The following GRIK3 variants were observed in gnomAD, a reference collection of about 807,000 sequenced individuals.
The protein encoded by GRIK3 is glutamate ionotropic receptor kainate type subunit 3.
A neutral mutation model predicts 102.5 loss-of-function variants in GRIK3; 29 were observed. That is an observed-to-expected ratio of 0.28 (90% CI 0.21 to 0.39). The LOEUF (loss-of-function observed/expected upper bound fraction) is 0.39. GRIK3 is among the 10% of genes least tolerant of loss of function. The pLI, the probability that GRIK3 is intolerant of heterozygous loss-of-function variation, is 1.00. For synonymous variants in GRIK3, 511 were observed against 504.9 expected (o/e 1.01, Z -0.16); for missense variants, 908 against 1,252.4 (o/e 0.73, Z 4.15).
intron 13 of GRIK3, among the ~76,000 whole-genome samples, chr1:36,815,519 G>C (rs922672668): frequency 9.2e-5 from 14 of 152,346 alleles, no homozygotes; most frequent in African/African-American, 3.4e-4. Context: ...TTCCATTCCA[G>C]GTTGATTGAG....
chr1:36,925,025 T>A (rs1641512823), intron 1 of GRIK3, among the ~76,000 whole-genome samples: 1 of 152,200 alleles, frequency 6.6e-6, no homozygotes, highest in Non-Finnish European at 1.5e-5. Flanking sequence ...AATCTAATGC[T>A]CCTGACAACC....
chr1:37,032,758 G>C (rs377267387), intron 1 of GRIK3, among the ~76,000 whole-genome samples: 5 of 152,210 alleles, frequency 3.3e-5, no homozygotes, highest in South Asian at 2.1e-4. Flanking sequence ...GCCCCATCCA[G>C]ATGGTGTTCA....
At chr1:36,974,851 A>G (rs758089982) in intron 1 of GRIK3, among the ~76,000 whole-genome samples, 2 of 152,074 alleles carry the variant, frequency 1.3e-5, no homozygotes, top group Admixed American at 6.5e-5. Flanking sequence ...ATGCTACAAT[A>G]TGGATTAACC....
chr1:36,906,017 C>T (rs763199653), intron 1 of GRIK3, among the ~76,000 whole-genome samples: 18 of 152,136 alleles, frequency 1.2e-4, no homozygotes, highest in Non-Finnish European at 1.6e-4. Flanking sequence ...CCATTAAGAC[C>T]TAAGTCCAAG....
At position 36,912,842 on chromosome 1, in the gene GRIK3, T is replaced by C. The variant is rs998364896; in HGVS notation, c.116-21746A>G. Among the ~76,000 whole-genome samples, 5 of 152,322 alleles carry C rather than the reference T, an allele frequency of 3.3e-5. No individual in the cohort carries two copies. In the East Asian group the frequency reaches 9.6e-4, roughly 29 times the overall value. ...CATGTTTGTTAAATATATGTATATGTATGTGTGCCTAAAACACATATGCTG... is the reference window on the plus strand; with the variant it reads ...CATGTTTGTTAAATATATGTATATGCATGTGTGCCTAAAACACATATGCTG... On this transcript the variant is annotated intron_variant, in intron 1 of 15. Transcript: ENST00000373091.
chr1:36,961,453 CA>C (rs1485974287), intron 1 of GRIK3, among the ~76,000 whole-genome samples: 1 of 152,230 alleles, frequency 6.6e-6, no homozygotes, highest in Non-Finnish European at 1.5e-5. Context: ...GAGAGACAGC[CA>C]GGGGCAGAGA....
chr1:37,021,946 G>T (rs1642719417), intron 1 of GRIK3, among the ~76,000 whole-genome samples: 1 of 152,234 alleles, frequency 6.6e-6, no homozygotes, highest in South Asian at 2.1e-4. Flanking sequence ...AAAGACTGTT[G>T]AGCCCCAGTT....
chr1:36,814,800 G>C (rs1298287759), intron 13 of GRIK3, among the ~76,000 whole-genome samples: 3 of 151,950 alleles, frequency 2.0e-5, no homozygotes, highest in African/African-American at 7.3e-5. Context: ...CAAGCAGACA[G>C]ACAAATGTAT....
At chr1:36,825,028 C>T (rs1192038285) in intron 11 of GRIK3, among the ~76,000 whole-genome samples, 1 of 152,118 alleles carries the variant, frequency 6.6e-6, no homozygotes, top group Non-Finnish European at 1.5e-5. Context: ...GTGACCTCCT[C>T]CTACCACCCA....
chr1:36,955,757 A>G (rs1641898752), intron 1 of GRIK3, among the ~76,000 whole-genome samples: 1 of 152,256 alleles, frequency 6.6e-6, no homozygotes, highest in African/African-American at 2.4e-5. Context: ...GGCGTTCAGG[A>G]CCAGACACAC....
intron 1 of GRIK3, among the ~76,000 whole-genome samples, chr1:36,924,931 C>G (rs911545043): frequency 1.3e-5 from 2 of 152,076 alleles, no homozygotes; most frequent in African/African-American, 2.4e-5. Flanking sequence ...AACCCACACT[C>G]TCAGGATAAT....
At chr1:36,921,441 C>T (rs767534773) in intron 1 of GRIK3, among the ~76,000 whole-genome samples, 9 of 152,148 alleles carry the variant, frequency 5.9e-5, no homozygotes, top group African/African-American at 9.7e-5. Context: ...TGATGGTCTG[C>T]GTGACCTTTA....
intron 6 of GRIK3, 55 bp from the exon 7 acceptor site, chr1:36,859,306 C>A: frequency 6.5e-7 from 1 of 1,544,716 alleles, no homozygotes; most frequent in Non-Finnish European, 8.8e-7. Context: ...GTCCTCAGCC[C>A]ACCCTGCCCT....
chr1:36,999,010 G>A (rs9426050), intron 1 of GRIK3, among the ~76,000 whole-genome samples: 10 of 143,724 alleles, frequency 7.0e-5, no homozygotes, highest in Non-Finnish European at 1.5e-4. Flanking sequence ...GTGTGTGTAT[G>A]TGTGTGTGTG....
chr1:36,967,354 C>G (rs1210155283), intron 1 of GRIK3, among the ~76,000 whole-genome samples: 4 of 152,246 alleles, frequency 2.6e-5, no homozygotes, highest in African/African-American at 9.6e-5. Context: ...CTGCCTTGTC[C>G]TGGATTTCTG....
intron 1 of GRIK3, among the ~76,000 whole-genome samples, chr1:36,917,225 T>C (rs1331216347): frequency 6.6e-6 from 1 of 152,244 alleles, no homozygotes; most frequent in Non-Finnish European, 1.5e-5. Context: ...GAAATGGCTG[T>C]ATTTATCGAA....
rs546497143 is a variant in GRIK3 at position 37,006,053 on chromosome 1, C to T, written c.115+27941G>A. Among the ~76,000 whole-genome samples the T allele has an allele frequency of 7.2e-5, 11 of 152,256 alleles. No homozygotes were observed. In the East Asian group the frequency reaches 1.4e-3, roughly 19 times the overall value. ...GAGTTAAGGAGGATGCTGTAGCCAC[C>T]GGGAGAAGGCGGTGCATTTGAATCT... is the stretch of plus-strand genomic sequence containing the variant. On this transcript the variant is annotated intron_variant, in intron 1 of 15. Coordinates refer to ENST00000373091, the MANE Select transcript of GRIK3 (RefSeq NM_000831.4).
At chr1:36,821,321 G>C (rs778908968) in intron 11 of GRIK3, among the ~76,000 whole-genome samples, 6 of 152,220 alleles carry the variant, frequency 3.9e-5, no homozygotes, top group Non-Finnish European at 8.8e-5. Context: ...ATCTAGAATG[G>C]AGAAAGCAGA....
intron 1 of GRIK3, among the ~76,000 whole-genome samples, chr1:36,977,852 C>G (rs1268426410): frequency 6.6e-6 from 1 of 152,254 alleles, no homozygotes; most frequent in Non-Finnish European, 1.5e-5. Context: ...AGCCAATAAA[C>G]AGAGTCCACC....
Sources: gnomAD v4.1 joint callset for allele counts (sites outside exome capture counted in the v4.1 genomes callset) on GRCh38, gnomAD v4.1.1 for gene constraint, MANE v1.5 for transcripts, NCBI Gene and HGNC (gene_info 2026-07-23, HGNC 2026-07-21) for gene names.